The following KCNIP4 variants were observed in gnomAD, a reference collection of about 807,000 sequenced individuals.
KCNIP4 encodes the protein Kv channel-interacting protein 4.
KCNIP4 carries 12 observed loss-of-function variants against 34.0 expected under a neutral mutation model. That is an observed-to-expected ratio of 0.35 (90% CI 0.23 to 0.57). KCNIP4 has a LOEUF of 0.57. Among genes scored for constraint, KCNIP4 ranks in the 20% least tolerant of loss-of-function variants. The pLI is 0.83. For missense variants in KCNIP4, 238 were observed against 311.7 expected, an observed-to-expected ratio of 0.76 and a Z score of 1.78; for synonymous variants, 124 against 102.2, an observed-to-expected ratio of 1.21 and a Z score of -1.29.
At chr4:20,738,691 T>G (rs1445137502) in intron 5 of KCNIP4, among the ~76,000 whole-genome samples, 1 of 152,122 alleles carries the variant, frequency 6.6e-6, no homozygotes, top group Non-Finnish European at 1.5e-5. Flanking sequence ...AGAAGATGGG[T>G]GATTTCTGCA....
chr4:20,978,631 A>G (rs1735718768), intron 1 of KCNIP4, among the ~76,000 whole-genome samples: 1 of 152,206 alleles, frequency 6.6e-6, no homozygotes, highest in African/African-American at 2.4e-5. Flanking sequence ...AATCTTATAC[A>G]CTTCTCTTCA....
chr4:21,818,217 G>T (rs943839248), intron 1 of KCNIP4, among the ~76,000 whole-genome samples: 2 of 152,128 alleles, frequency 1.3e-5, no homozygotes, highest in African/African-American at 4.8e-5. Context: ...AAAATAGAAA[G>T]AACCTACATT....
At chr4:20,896,563 G>C (rs922136666) in intron 1 of KCNIP4, among the ~76,000 whole-genome samples, 2 of 152,170 alleles carry the variant, frequency 1.3e-5, no homozygotes, top group African/African-American at 4.8e-5. Context: ...AGCCAGCTAA[G>C]AGCCAAGAAA....
chr4:20,947,432 G>A (rs926548925), intron 1 of KCNIP4, among the ~76,000 whole-genome samples: 1 of 152,090 alleles, frequency 6.6e-6, no homozygotes, highest in Non-Finnish European at 1.5e-5. Flanking sequence ...GCCTCCCAAA[G>A]TGCTGGGATT....
intron 1 of KCNIP4, among the ~76,000 whole-genome samples, chr4:20,991,910 C>T (rs762500520): frequency 1.1e-4 from 17 of 152,242 alleles, no homozygotes; most frequent in Non-Finnish European, 2.4e-4. Context: ...GCTTGATCCT[C>T]CCAGTTCTTG....
Position 21,741,080 on chromosome 4 carries a change from G to T in KCNIP4, c.61+207491C>A, listed in dbSNP as rs192471318. 8.7e-3 allele frequency among the ~76,000 whole-genome samples: 1,331 copies of T among 152,198 alleles called. 19 individuals carry two copies. Among genetic ancestry groups the T allele is most frequent in the South Asian group, 0.039 (187 of 4,820 alleles). On this transcript the variant is annotated intron_variant, in intron 1 of 8. Coordinates refer to ENST00000382152, the MANE Select transcript of KCNIP4 (RefSeq NM_025221.6). ...TGGGCTTATTTTAATAAATACAGCA[G>T]ATTAAAAGGTGACTGGTTCCTCCTT...
intron 1 of KCNIP4, among the ~76,000 whole-genome samples, chr4:21,513,842 A>C (rs770042609): frequency 1.3e-5 from 2 of 152,208 alleles, no homozygotes; most frequent in South Asian, 2.1e-4. Context: ...GGTACAAAAC[A>C]TATTTAGTCC....
intron 1 of KCNIP4, among the ~76,000 whole-genome samples, chr4:21,561,282 C>G (rs897691791): frequency 6.6e-6 from 1 of 151,926 alleles, no homozygotes; most frequent in African/African-American, 2.4e-5. Context: ...TTTTGCCACG[C>G]ATTTTCCAAT....
At chr4:21,911,678 C>T (rs1728343015) in intron 1 of KCNIP4, among the ~76,000 whole-genome samples, 1 of 148,412 alleles carries the variant, frequency 6.7e-6, no homozygotes, top group Admixed American at 6.8e-5. Context: ...TGGTGATGTA[C>T]CTGCTAGACC....
intron 1 of KCNIP4, among the ~76,000 whole-genome samples, chr4:21,204,468 T>C (rs1181541653): frequency 6.6e-6 from 1 of 152,140 alleles, no homozygotes; most frequent in Non-Finnish European, 1.5e-5. Context: ...GAAGTGGAAA[T>C]ACGGTGGGAT....
In KCNIP4 at chr4:21,865,785, T is replaced by C. The variant is rs139547789; in HGVS notation, c.61+82786A>G. ...CTTGAACTTCTGACCTCAGGTGATC[T>C]ACCTGCCTTGGTCTCCCGAAGTGCT... is the stretch of plus-strand genomic sequence containing the variant. On this transcript the variant is annotated intron_variant, in intron 1 of 8. Transcript: ENST00000382152. Among the ~76,000 whole-genome samples the C allele has an allele frequency of 4.2e-3, 632 of 152,040 alleles. 6 individuals carry two copies. Among genetic ancestry groups the C allele is most frequent in the African/African-American group, 0.015 (607 of 41,502 alleles).
At chr4:21,218,000 A>AATTT (rs1236044838) in intron 1 of KCNIP4, among the ~76,000 whole-genome samples, 13 of 122,352 alleles carry the variant, frequency 1.1e-4, no homozygotes, top group Non-Finnish European at 1.5e-4. Context: ...TTTTTTTTTA[A>AATTT]ATTTATTTAT....
intron 1 of KCNIP4, among the ~76,000 whole-genome samples, chr4:21,420,765 G>A (rs1725388663): frequency 6.6e-6 from 1 of 152,056 alleles, no homozygotes; most frequent in Non-Finnish European, 1.5e-5. Flanking sequence ...AAAAGCAAAG[G>A]CAACAAGCAA....
At chr4:21,837,413 T>C (rs528676978) in intron 1 of KCNIP4, among the ~76,000 whole-genome samples, 10 of 149,254 alleles carry the variant, frequency 6.7e-5, no homozygotes, top group Middle Eastern at 3.5e-3. Flanking sequence ...TGGGCACCTG[T>C]AATCCCAGCT....
At chr4:21,173,394 C>A (rs960293552) in intron 1 of KCNIP4, among the ~76,000 whole-genome samples, 3 of 152,086 alleles carry the variant, frequency 2.0e-5, no homozygotes, top group African/African-American at 2.4e-5. Context: ...CATATAGAGG[C>A]AGACCTGTCT....
intron 1 of KCNIP4, among the ~76,000 whole-genome samples, chr4:21,710,502 A>T (rs1049575649): frequency 2.2e-4 from 34 of 152,346 alleles, no homozygotes; most frequent in African/African-American, 6.0e-4. Flanking sequence ...TTTTCATGTT[A>T]CACACTCTCC....
intron 1 of KCNIP4, among the ~76,000 whole-genome samples, chr4:21,714,421 G>A (rs1347440463): frequency 6.6e-6 from 1 of 151,920 alleles, no homozygotes; most frequent in Admixed American, 6.6e-5. Flanking sequence ...AGAAGGAAAG[G>A]GACAAGGGGA....
intron 1 of KCNIP4, among the ~76,000 whole-genome samples, chr4:21,705,057 G>C (rs561218743): frequency 1.3e-5 from 2 of 152,182 alleles, no homozygotes; most frequent in Admixed American, 6.6e-5. Context: ...ACTAGTGATA[G>C]ACACAATTTA....
intron 1 of KCNIP4, among the ~76,000 whole-genome samples, chr4:21,105,807 G>T (rs540114408): frequency 4.0e-5 from 6 of 151,372 alleles, no homozygotes; most frequent in Non-Finnish European, 5.9e-5. Flanking sequence ...TAGCATGAAG[G>T]GTTGTTGAAT....
Sources: allele counts gnomAD v4.1 joint callset (sites outside exome capture counted in the v4.1 genomes callset), GRCh38; gene constraint gnomAD v4.1.1; transcripts MANE v1.5; gene names NCBI Gene and HGNC (gene_info 2026-07-23, HGNC 2026-07-21).